The following GGT1 variants were observed in gnomAD, a reference collection of about 807,000 sequenced individuals.
GGT1 encodes glutathione hydrolase 1 proenzyme.
GGT1 carries 21 observed loss-of-function variants against 56.0 expected under a neutral mutation model. The observed-to-expected ratio is 0.38, with a 90% CI of 0.27 to 0.54. The LOEUF (loss-of-function observed/expected upper bound fraction) is 0.54. Among genes scored for constraint, GGT1 ranks in the 20% least tolerant of loss-of-function variants. The pLI is 0.82. For missense variants in GGT1, 466 were observed against 787.0 expected (o/e 0.59, Z 4.88); for synonymous variants, 238 against 342.6 (o/e 0.69, Z 3.37).
chr22:24,592,187 C>T (rs1275233784), upstream of GGT1: 1 of 416,516 alleles, frequency 2.4e-6, no homozygotes, highest in African/African-American at 2.0e-5. Context: ...CCTGGGACAA[C>T]CCAGGGGTTG....
the GGT1 span, chr22:24,586,384 C>T: frequency 1.9e-6 from 3 of 1,613,402 alleles, no homozygotes; most frequent in Non-Finnish European, 2.5e-6. Context: ...CCCCTGCCAG[C>T]AGAGTCTTCT....
In GGT1 at chr22:24,620,175, A is replaced by G. The variant is rs1460602611; in HGVS notation, c.383-153A>G. ...AGATCGGGCTGGGCAAGATGGCAAGACCCCAACTCAAAAAAGAAAAAAAAA... is the reference window on the plus strand; with the variant it reads ...AGATCGGGCTGGGCAAGATGGCAAGGCCCCAACTCAAAAAAGAAAAAAAAA... On this transcript the variant is annotated intron_variant, in intron 7 of 15. Transcript: ENST00000400382. The surrounding 1 kb of genome is among the most constrained non-coding windows in gnomAD (Gnocchi z 5.6). Among the ~76,000 whole-genome samples, 1 of 150,772 alleles carries G rather than the reference A, an allele frequency of 6.6e-6. No homozygotes were observed. The highest frequency in any genetic ancestry group is 1.5e-5 in the Non-Finnish European group (1 of 67,574).
At chr22:24,596,402 T>C (rs914445259) in intron 1 of GGT1, among the ~76,000 whole-genome samples, 1 of 152,182 alleles carries the variant, frequency 6.6e-6, no homozygotes, top group African/African-American at 2.4e-5. Context: ...TGGCTGCTGC[T>C]GCATCACTCC....
the GGT1 span, among the ~76,000 whole-genome samples, chr22:24,584,603 G>T: frequency 6.6e-6 from 1 of 152,150 alleles, no homozygotes; most frequent in African/African-American, 2.4e-5. Flanking sequence ...TGTGGGCCAT[G>T]GCTGTGAGGG....
chr22:24,620,894 T>G lies in GGT1; in HGVS notation c.576-19T>G. On this transcript the variant is annotated intron_variant, in intron 8 of 15. Coordinates refer to ENST00000400382, the MANE Select transcript of GGT1 (RefSeq NM_001288833.2). This position sits in a 1 kb window ranked among gnomAD's most constrained non-coding sequence, Gnocchi z 5.6. ...AGTCCACCCCACCTGCTGCCTCACA[T>G]GAGCCCCCTCTGCCCCAGTGAGGTG... 1 of 1,611,444 alleles carries G rather than the reference T, an allele frequency of 6.2e-7. No individual in the cohort carries two copies. Among genetic ancestry groups the G allele is most frequent in the Non-Finnish European group, 8.5e-7 (1 of 1,179,556 alleles).
chr22:24,615,344 C>T (rs894158389), intron 7 of GGT1, among the ~76,000 whole-genome samples: 7 of 152,274 alleles, frequency 4.6e-5, no homozygotes, highest in African/African-American at 7.2e-5. Context: ...CTAAGGCCTC[C>T]GGGGCCACTC....
the GGT1 span, chr22:24,586,157 C>CG: frequency 6.2e-7 from 1 of 1,613,404 alleles, no homozygotes; most frequent in Non-Finnish European, 8.5e-7. Flanking sequence ...AGTGAGCTTG[C>CG]GGGCAGTGGC....
the GGT1 span, chr22:24,586,140 T>C: frequency 1.2e-6 from 2 of 1,613,276 alleles, no homozygotes; most frequent in Non-Finnish European, 1.7e-6. Flanking sequence ...GTGTCCTTGA[T>C]GGCATCAGTG....
At chr22:24,622,854 G>A (rs1289345900) in intron 9 of GGT1, among the ~76,000 whole-genome samples, 1 of 152,240 alleles carries the variant, frequency 6.6e-6, no homozygotes, top group Non-Finnish European at 1.5e-5. Flanking sequence ...GCTGTTGGGT[G>A]GTGAGCAGTG....
rs3865653 is a variant in GGT1, at chr22:24,620,054, A to T, written c.383-274A>T. On this transcript the variant is annotated intron_variant, in intron 7 of 15. Transcript: ENST00000400382. This position sits in a 1 kb window ranked among gnomAD's most constrained non-coding sequence, Gnocchi z 5.6. ...TTAAAATTAAAAAATAAATTTAAAA[A>T]TTAAAAATCCCCTTCTGCTAGGTGT... Among the ~76,000 whole-genome samples the T allele has an allele frequency of 6.6e-6, 1 of 152,006 alleles. No individual in the cohort carries two copies. Among genetic ancestry groups the T allele is most frequent in the African/African-American group, 2.4e-5 (1 of 41,400 alleles).
chr22:24,626,827 G>A (rs2047812963), intron 11 of GGT1, among the ~76,000 whole-genome samples: 1 of 151,176 alleles, frequency 6.6e-6, no homozygotes, highest in Non-Finnish European at 1.5e-5. Context: ...AGTCCTGTGG[G>A]ATGGGCCCCA....
At chr22:24,588,346 T>G in the GGT1 span, 39 of 1,593,232 alleles carry the variant, frequency 2.4e-5, no homozygotes, top group South Asian at 4.1e-4. Context: ...GAGGGCAGTG[T>G]CACCATGGTG....
At chr22:24,584,586 C>T in the GGT1 span, among the ~76,000 whole-genome samples, 1 of 152,158 alleles carries the variant, frequency 6.6e-6, no homozygotes, top group Non-Finnish European at 1.5e-5. Context: ...GCGCCGCTTA[C>T]AGTCCCTGTG....
upstream of GGT1, chr22:24,592,237 G>A: frequency 2.2e-6 from 1 of 458,422 alleles, no homozygotes; most frequent in Admixed American, 2.4e-5. Context: ...TAGGAGCAGA[G>A]CCACCACCGG....
chr22:24,626,512 T>A (rs2047781095), intron 11 of GGT1, among the ~76,000 whole-genome samples: 1 of 142,492 alleles, frequency 7.0e-6, no homozygotes, highest in Admixed American at 6.8e-5. Flanking sequence ...TTATTTTTTT[T>A]AATACGTGCA....
rs186825032 is a variant in GGT1 at position 24,596,123 on chromosome 22, G to A, written c.-324+1237G>A. On this transcript the variant is annotated intron_variant, in intron 1 of 6. Transcript: ENST00000411974. Reference sequence around the variant, plus strand: ...GCTGTAGTAGGCAGCAGAGCTTGGCGGGGTGAGGCGAGATCACAGGTATAG... The same window carrying A: ...GCTGTAGTAGGCAGCAGAGCTTGGCAGGGTGAGGCGAGATCACAGGTATAG... 2.0e-4 allele frequency among the ~76,000 whole-genome samples: 31 copies of A among 152,338 alleles called. No homozygotes were observed. The South Asian group carries it at 3.3e-3, about 16-fold the overall frequency.
Position 24,604,316 on chromosome 22 carries a change from C to G in GGT1, c.-429+789C>G, listed in dbSNP as rs62231208. Among the ~76,000 whole-genome samples the G allele has an allele frequency of 6.8e-3, 1,028 of 152,290 alleles. 7 individuals carry two copies. The highest frequency in any genetic ancestry group is 0.016 in the South Asian group (76 of 4,830). ...GCCTGTGAATGGGGTTGGGGCTGTG[C>G]TCTGGTTTCACCCTTGTGGCTCTGG... On this transcript the variant is annotated intron_variant, in intron 1 of 15. Transcript: ENST00000400382.
intron 1 of GGT1, among the ~76,000 whole-genome samples, chr22:24,597,696 C>G (rs1601610231): frequency 6.6e-6 from 1 of 152,048 alleles, no homozygotes; most frequent in African/African-American, 2.4e-5. Flanking sequence ...CACACACACA[C>G]ACACACACAC....
chr22:24,621,075 G>A lies in GGT1; in HGVS notation c.733+5G>A. The A allele has an allele frequency of 1.9e-6, 3 of 1,568,378 alleles. No individual in the cohort carries two copies. Among genetic ancestry groups the A allele is most frequent in the South Asian group, 1.2e-5 (1 of 86,508 alleles). ...TGAAGGACATCCAGGCGGCCGGTGA[G>A]TGGGTAACCTCAGGGGCCTGGGTGA... On this transcript the variant is annotated splice_donor_5th_base_variant and intron_variant, in intron 9 of 15. Coordinates refer to ENST00000400382, the MANE Select transcript of GGT1 (RefSeq NM_001288833.2).
Sources: allele counts gnomAD v4.1 joint callset (sites outside exome capture counted in the v4.1 genomes callset), GRCh38; gene constraint gnomAD v4.1.1; non-coding constraint Gnocchi (gnomAD v3.1); transcripts MANE v1.5; gene names NCBI Gene and HGNC (gene_info 2026-07-23, HGNC 2026-07-21).